ATP13A4: variants seen among roughly 807,000 people sequenced by gnomAD.
The protein encoded by ATP13A4 is probable cation-transporting ATPase 13A4.
In ATP13A4, 114 loss-of-function variants were observed where a neutral mutation model predicts 142.5. That is an observed-to-expected ratio of 0.80 (90% CI 0.69 to 0.93). The LOEUF (loss-of-function observed/expected upper bound fraction) is 0.93. Among genes scored for constraint, ATP13A4 ranks in the 40% least tolerant of loss-of-function variants. The pLI, the probability that ATP13A4 is intolerant of heterozygous loss-of-function variation, is 0.00. For missense variants in ATP13A4, 1,392 were observed against 1,454.0 expected (o/e 0.96, Z 0.69); for synonymous variants, 488 against 514.8 (o/e 0.95, Z 0.70).
chr3:193,583,705 C>G (rs1724616952), intron 1 of ATP13A4, among the ~76,000 whole-genome samples: 1 of 151,790 alleles, frequency 6.6e-6, no homozygotes, highest in South Asian at 2.1e-4. Flanking sequence ...ATGAAAGAAG[C>G]TTGACCTCTA....
chr3:193,457,643 T>G (rs116671021), intron 14 of ATP13A4, among the ~76,000 whole-genome samples, 178 bp from the exon 15 acceptor site: 2,022 of 152,316 alleles, frequency 0.013, 35 homozygotes, highest in African/African-American at 0.038. Flanking sequence ...GCATTGAAAA[T>G]GCTGCACAAC....
rs142272463 is a variant in ATP13A4 at position 193,406,018 on chromosome 3, G to C, written c.3378+1295C>G. ...GTTGCTTTAGAGACCATATGGTTTA[G>C]CATATTGCTTCTCAAAGTGTGATCC... On this transcript the variant is annotated intron_variant, in intron 29 of 29. Transcript: ENST00000342695. 7.1e-3 allele frequency among the ~76,000 whole-genome samples: 1,087 copies of C among 152,266 alleles called. 13 individuals are homozygous for C. The highest frequency in any genetic ancestry group is 9.4e-3 in the Non-Finnish European group (641 of 68,026).
rs746367725 is a variant in ATP13A4 at position 193,433,880 on chromosome 3, TG to T, written c.2806del (p.Gln936ArgfsTer11). On this transcript the variant is annotated frameshift_variant, in exon 25 of 30. Transcript: ENST00000342695. LOFTEE classifies it high-confidence loss of function. ...NSLSNYQFLF[Q>X]DLAITTLIGV... ...AATAAGAGTTGTAATGGCCAGATCC[TG>T]GAACAGAAACTGGTAATTTGAAAGG... 6.8e-6 allele frequency: 11 copies of T among 1,613,774 alleles called. No homozygotes were observed. Among genetic ancestry groups the T allele is most frequent in the South Asian group, 5.5e-5 (5 of 91,078 alleles).
intron 10 of ATP13A4, among the ~76,000 whole-genome samples, chr3:193,466,769 A>C (rs1718312859): frequency 6.8e-6 from 1 of 147,340 alleles, no homozygotes; most frequent in Admixed American, 6.9e-5. Context: ...GATATTGTGA[A>C]AATAGTTTAT....
At chr3:193,550,825 CT>C (rs1389793818) in intron 1 of ATP13A4, among the ~76,000 whole-genome samples, 2 of 152,112 alleles carry the variant, frequency 1.3e-5, no homozygotes, top group Non-Finnish European at 2.9e-5. Flanking sequence ...GAACAAAACA[CT>C]TCCCCAAAAG....
intron 23 of ATP13A4, among the ~76,000 whole-genome samples, chr3:193,437,011 G>A (rs1716319297): frequency 4.2e-5 from 6 of 143,706 alleles, no homozygotes; most frequent in Admixed American, 3.4e-4. Flanking sequence ...GGCTGAGGCA[G>A]GAGAATGGCG....
Position 193,467,509 on chromosome 3 carries a change from T to G in ATP13A4, c.944-23A>C, listed in dbSNP as rs754081619. 2.5e-6 allele frequency: 4 copies of G among 1,610,472 alleles called. No individual in the cohort carries two copies. In the South Asian group the frequency reaches 3.3e-5, roughly 13 times the overall value. On this transcript the variant is annotated intron_variant, in intron 9 of 29. Transcript: ENST00000342695. Reference sequence around the variant, plus strand: ...CTCCTACAGAAAACAAGCATCTTGTTTTGTGAGGCAGGATGGCTTCCCTCA... The same window carrying G: ...CTCCTACAGAAAACAAGCATCTTGTGTTGTGAGGCAGGATGGCTTCCCTCA...
chr3:193,490,941 G>T (rs1400715215), intron 6 of ATP13A4, among the ~76,000 whole-genome samples: 2 of 151,980 alleles, frequency 1.3e-5, no homozygotes, highest in African/African-American at 2.4e-5. Flanking sequence ...TGAATAAATG[G>T]TTTTTTTCTT....
At chr3:193,511,175 G>A (rs1667786064) in intron 2 of ATP13A4, among the ~76,000 whole-genome samples, 1 of 152,152 alleles carries the variant, frequency 6.6e-6, no homozygotes, top group Non-Finnish European at 1.5e-5. Flanking sequence ...AAATCAAGAT[G>A]AAAAAGGCAA....
intron 9 of ATP13A4, among the ~76,000 whole-genome samples, chr3:193,467,899 C>T (rs1034496471): frequency 6.6e-6 from 1 of 152,090 alleles, no homozygotes; most frequent in Non-Finnish European, 1.5e-5. Flanking sequence ...CACTGGTGGG[C>T]TGGGCACAGT....
chr3:193,474,025 A>C (rs1441675471), intron 8 of ATP13A4, among the ~76,000 whole-genome samples: 1 of 152,154 alleles, frequency 6.6e-6, no homozygotes. Flanking sequence ...GTCTTTCAGA[A>C]ATACACAGTA....
At chr3:193,425,921 AATTACCATGATT>A (rs1381686677) in intron 25 of ATP13A4, among the ~76,000 whole-genome samples, 1 of 151,854 alleles carries the variant, frequency 6.6e-6, no homozygotes, top group Non-Finnish European at 1.5e-5. Context: ...TAAATATGCT[AATTACCATGATT>A]TTACTATTAC....
intron 20 of ATP13A4, 146 bp downstream of exon 20, chr3:193,441,320 T>C (rs1275255721): frequency 2.9e-6 from 3 of 1,028,474 alleles, no homozygotes; most frequent in South Asian, 2.8e-5. Flanking sequence ...TAGTATCTTC[T>C]GCAAAAATAT....
rs190706134 is a variant in ATP13A4 at position 193,407,487 on chromosome 3, A to T, written c.3298-94T>A. ...ACAGCATATATTTTCCTAGGTTATA[A>T]ATCTCATATGTAATATATATGTGTG... On this transcript the variant is annotated intron_variant, in intron 28 of 29. Coordinates refer to ENST00000342695, the MANE Select transcript of ATP13A4 (RefSeq NM_032279.4). 2.9e-3 allele frequency: 2,735 copies of T among 946,842 alleles called. 28 individuals carry two copies. Among genetic ancestry groups the T allele is most frequent in the Non-Finnish European group, 1.7e-3 (1,011 of 597,222 alleles). 58.7% of individuals were successfully genotyped at this position (946,842 alleles called of 1,614,324 possible). A position where few individuals can be genotyped will look rare whatever the true frequency, so the allele number is the denominator to read the frequency against.
At chr3:193,531,297 A>AG (rs1351666676) in intron 1 of ATP13A4, among the ~76,000 whole-genome samples, 1 of 20,394 alleles carries the variant, frequency 4.9e-5, no homozygotes, top group African/African-American at 3.5e-4. Flanking sequence ...GGAGGGAGGG[A>AG]GGAAGGAAGG....
chr3:193,457,597 G>T (rs1717708045), intron 14 of ATP13A4, 132 bp from the exon 15 acceptor site: 2 of 819,892 alleles, frequency 2.4e-6, no homozygotes, highest in Non-Finnish European at 4.1e-6. Flanking sequence ...TCCCTCAGAG[G>T]TGAACCAGAT....
chr3:193,433,746 G>C, intron 25 of ATP13A4, 99 bp downstream of exon 25: 1 of 828,280 alleles, frequency 1.2e-6, no homozygotes, highest in South Asian at 1.4e-5. Flanking sequence ...CATTGCTGCT[G>C]TTGCAGCTGC....
rs78823647 is a variant in ATP13A4 at position 193,411,409 on chromosome 3, T to C, written c.3209-339A>G. ...TTTAATGCAAATTATCTACCTCAAA[T>C]CATTTTCTGGTAAAAAGGAAGCCTG... is the stretch of plus-strand genomic sequence containing the variant. On this transcript the variant is annotated intron_variant, in intron 27 of 29. Transcript: ENST00000342695. Among the ~76,000 whole-genome samples the C allele has an allele frequency of 1.7e-3, 253 of 152,340 alleles. 8 individuals are homozygous for C. The East Asian group carries it at 0.033, about 20-fold the overall frequency.
chr3:193,407,207 T>A, intron 29 of ATP13A4, 106 bp downstream of exon 29: 1 of 969,484 alleles, frequency 1.0e-6, no homozygotes, highest in Non-Finnish European at 1.6e-6. Context: ...CCTGCACTGC[T>A]GAGTCCATGT....
Sources: gnomAD v4.1 joint callset for allele counts (sites outside exome capture counted in the v4.1 genomes callset) on GRCh38, gnomAD v4.1.1 for gene constraint, MANE v1.5 for transcripts, NCBI Gene and HGNC (gene_info 2026-07-23, HGNC 2026-07-21) for gene names.